Variants in NR3C1 observed in about 807,000 individuals in gnomAD.
NR3C1 encodes glucocorticoid receptor.
In NR3C1, 14 loss-of-function variants were observed where a neutral mutation model predicts 74.0. The observed-to-expected ratio is 0.19, with a 90% CI of 0.12 to 0.30. The LOEUF (loss-of-function observed/expected upper bound fraction) is 0.30, where lower values mean the gene tolerates loss of function less well. Among genes scored for constraint, NR3C1 ranks in the 10% least tolerant of loss-of-function variants. The pLI is 1.00. For missense variants in NR3C1, 695 were observed against 909.8 expected (o/e 0.76, Z 3.04); for synonymous variants, 308 against 332.5 (o/e 0.93, Z 0.80).
chr5:143,403,697 GCA>G (rs1840799349), upstream of NR3C1: 1 of 983,414 alleles, frequency 1.0e-6, no homozygotes, highest in African/African-American at 1.8e-5. Flanking sequence ...GCCACGGCGC[GCA>G]CACACTCGCA....
chr5:143,354,648 A>T (rs546474806), intron 2 of NR3C1, among the ~76,000 whole-genome samples: 13 of 152,228 alleles, frequency 8.5e-5, no homozygotes, highest in African/African-American at 3.1e-4. Context: ...TTAAAATAGT[A>T]ACATCAGGCT....
intron 2 of NR3C1, among the ~76,000 whole-genome samples, chr5:143,366,233 G>A (rs950240288): frequency 6.6e-6 from 1 of 152,128 alleles, no homozygotes; most frequent in African/African-American, 2.4e-5. Context: ...GCTGGGTTGG[G>A]CACGGTAGCT....
chr5:143,433,466 A>AATTTATTTATTTAAATTATATC (rs1461822676), intron 1 of NR3C1, among the ~76,000 whole-genome samples: 1 of 133,800 alleles, frequency 7.5e-6, no homozygotes, highest in Admixed American at 7.4e-5. Flanking sequence ...ATATATATAT[A>AATTTATTTATTTAAATTATATC]TATATTTAAT....
chr5:143,425,325 C>A (rs568790463), intron 1 of NR3C1, among the ~76,000 whole-genome samples: 1 of 152,150 alleles, frequency 6.6e-6, no homozygotes, highest in South Asian at 2.1e-4. Flanking sequence ...AGTTACAATA[C>A]CAAAAGCACA....
intron 2 of NR3C1, among the ~76,000 whole-genome samples, chr5:143,319,622 T>C (rs1484761640): frequency 2.0e-5 from 3 of 152,180 alleles, no homozygotes; most frequent in African/African-American, 7.2e-5. Context: ...AAAACACTTT[T>C]GGTTATCACG....
chr5:143,309,166 C>T (rs527865617), intron 4 of NR3C1, among the ~76,000 whole-genome samples: 12 of 149,402 alleles, frequency 8.0e-5, no homozygotes, highest in South Asian at 2.1e-4. Context: ...CTCTGCCTCC[C>T]GGGTTCAAGT....
chr5:143,346,751 A>C (rs1218838250), intron 2 of NR3C1, among the ~76,000 whole-genome samples: 1 of 152,262 alleles, frequency 6.6e-6, no homozygotes, highest in Non-Finnish European at 1.5e-5. Flanking sequence ...ACTATACTTT[A>C]AATGTCTTTT....
intron 2 of NR3C1, among the ~76,000 whole-genome samples, chr5:143,386,971 A>G (rs537515143): frequency 1.3e-5 from 2 of 152,236 alleles, no homozygotes; most frequent in South Asian, 4.1e-4. Context: ...ACATTTTTTG[A>G]TCAGGGGAAT....
At chr5:143,361,464 T>C (rs530336625) in intron 2 of NR3C1, among the ~76,000 whole-genome samples, 1 of 152,320 alleles carries the variant, frequency 6.6e-6, no homozygotes, top group African/African-American at 2.4e-5. Context: ...TAGAACTCCT[T>C]CTTCAAAGGA....
chr5:143,396,709 C>T (rs1162388660), intron 2 of NR3C1, among the ~76,000 whole-genome samples: 1 of 151,682 alleles, frequency 6.6e-6, no homozygotes, highest in African/African-American at 2.4e-5. Flanking sequence ...TAGACTCTGC[C>T]GAAAACTGAA....
intron 7 of NR3C1, among the ~76,000 whole-genome samples, chr5:143,285,252 A>G (rs1284654405): frequency 6.6e-6 from 1 of 152,164 alleles, no homozygotes; most frequent in Non-Finnish European, 1.5e-5. Flanking sequence ...GTAGAGACCT[A>G]GGGGCCACAT....
At chr5:143,431,434 G>A (rs929348083) in intron 1 of NR3C1, among the ~76,000 whole-genome samples, 1 of 152,056 alleles carries the variant, frequency 6.6e-6, no homozygotes, top group Non-Finnish European at 1.5e-5. Flanking sequence ...CTCATAAGTG[G>A]GAGTTGAACA....
chr5:143,356,166 T>C (rs1190212433), intron 2 of NR3C1, among the ~76,000 whole-genome samples: 1 of 152,188 alleles, frequency 6.6e-6, no homozygotes, highest in Non-Finnish European at 1.5e-5. Context: ...AAACTTACAG[T>C]AATAGTTTAT....
At chr5:143,307,911 AT>A (rs1819984715) in intron 4 of NR3C1, among the ~76,000 whole-genome samples, 1 of 152,216 alleles carries the variant, frequency 6.6e-6, no homozygotes, top group Non-Finnish European at 1.5e-5. Context: ...TTCTGTGTGC[AT>A]TTTTTAGTTA....
At chr5:143,424,168 T>G (rs1188574853) in intron 1 of NR3C1, among the ~76,000 whole-genome samples, 1 of 151,804 alleles carries the variant, frequency 6.6e-6, no homozygotes, top group East Asian at 1.9e-4. Flanking sequence ...CATATGTAAC[T>G]AACCTGCACA....
intron 1 of NR3C1, among the ~76,000 whole-genome samples, chr5:143,431,337 A>G (rs1278256709): frequency 1.3e-5 from 2 of 152,188 alleles, no homozygotes; most frequent in African/African-American, 2.4e-5. Context: ...TGGAGAACAG[A>G]TTATAGAGAA....
At position 143,403,658 on chromosome 5, in the gene NR3C1, G is replaced by C. The variant is rs1840789248; in HGVS notation, c.-461C>G. 1 of 985,338 alleles carries C rather than the reference G, an allele frequency of 1.0e-6. No individual in the cohort carries two copies. 61.0% of individuals were successfully genotyped at this position (985,338 alleles called of 1,614,324 possible). ...GCAGCCCGGCCTGGGCGAGCGAGCGGGACCGAGCGGGGAGCGGGTGGAGGC... is the reference window on the plus strand; with the variant it reads ...GCAGCCCGGCCTGGGCGAGCGAGCGCGACCGAGCGGGGAGCGGGTGGAGGC... On this transcript the variant is annotated 5_prime_UTR_variant, in exon 1 of 9. Coordinates refer to ENST00000394464, the MANE Select transcript of NR3C1 (RefSeq NM_000176.3).
At chr5:143,325,894 G>A (rs933031981) in intron 2 of NR3C1, among the ~76,000 whole-genome samples, 1 of 152,166 alleles carries the variant, frequency 6.6e-6, no homozygotes, top group South Asian at 2.1e-4. Context: ...AAGTTATATA[G>A]CAGACATCTG....
At chr5:143,366,758 G>A (rs1474318544) in intron 2 of NR3C1, among the ~76,000 whole-genome samples, 1 of 151,860 alleles carries the variant, frequency 6.6e-6, no homozygotes, top group South Asian at 2.1e-4. Flanking sequence ...ATGACTCAAG[G>A]AGAAAAAAAT....
Sources: allele counts gnomAD v4.1 joint callset (sites outside exome capture counted in the v4.1 genomes callset), GRCh38; gene constraint gnomAD v4.1.1; transcripts MANE v1.5; gene names NCBI Gene and HGNC (gene_info 2026-07-23, HGNC 2026-07-21).